RAB14: variants seen among roughly 807,000 people sequenced by gnomAD.
RAB14 encodes the protein RAB14, member RAS oncogene family.
A neutral mutation model predicts 31.1 loss-of-function variants in RAB14; 3 were observed. The observed-to-expected ratio is 0.10, with a 90% confidence interval of 0.04 to 0.25. The LOEUF (loss-of-function observed/expected upper bound fraction) is 0.25, where lower values mean the gene tolerates loss of function less well. RAB14 is among the 10% of genes least tolerant of loss of function. The probability of loss-of-function intolerance (pLI) is 1.00; values close to 1 mark genes in which losing one functional copy is unlikely to be tolerated. For missense variants in RAB14, 111 were observed against 260.1 expected (o/e 0.43, Z 3.94); for synonymous variants, 85 against 84.9 (o/e 1.00, Z 0.00).
Position 121,181,144 on chromosome 9 carries a change from C to T in RAB14, c.*252G>A, listed in dbSNP as rs1280772106. On this transcript the variant is annotated 3_prime_UTR_variant, in exon 8 of 8. Coordinates refer to ENST00000373840, the MANE Select transcript of RAB14 (RefSeq NM_016322.4). Reference sequence around the variant, plus strand: ...TCATATATTGGTGACATACTTATCACGAGGACAAGGGGGAAAAAAAGTCTA... The same window carrying T: ...TCATATATTGGTGACATACTTATCATGAGGACAAGGGGGAAAAAAAGTCTA... The T allele has an allele frequency of 8.1e-5, 27 of 333,794 alleles. No homozygotes were observed. The East Asian group carries it at 1.1e-3, about 14-fold the overall frequency. 20.7% of individuals were successfully genotyped at this position (333,794 alleles called of 1,614,324 possible).
chr9:121,179,876 C>T lies in RAB14; in HGVS notation c.*1520G>A, dbSNP rs563359522. 7.9e-5 allele frequency: 12 copies of T among 152,504 alleles called. No homozygotes were observed. Among genetic ancestry groups the T allele is most frequent in the Admixed American group, 3.3e-4 (5 of 15,268 alleles). The allele number at this position is 152,504 out of a possible 1,614,324, so 9.4% of individuals were successfully genotyped here. On this transcript the variant is annotated 3_prime_UTR_variant, in exon 8 of 8. Coordinates refer to ENST00000373840, the MANE Select transcript of RAB14 (RefSeq NM_016322.4). ...TGAGCTGAGTGCATTTTCTATAGTACGCTGAGGTGTTACCTATTCTATTTC... is the reference window on the plus strand; with the variant it reads ...TGAGCTGAGTGCATTTTCTATAGTATGCTGAGGTGTTACCTATTCTATTTC...
At chr9:121,183,100 G>C in intron 6 of RAB14, 140 bp from the exon 7 acceptor site, 1 of 845,390 alleles carries the variant, frequency 1.2e-6, no homozygotes, top group South Asian at 1.7e-5. Context: ...GTAAGTTTGA[G>C]GTGGAGAGCA....
chr9:121,181,662 CATG>C (rs2053633729), intron 7 of RAB14, 89 bp from the exon 8 acceptor site: 1 of 1,020,436 alleles, frequency 9.8e-7, no homozygotes, highest in Admixed American at 2.3e-5. Flanking sequence ...AGTTAACTGC[CATG>C]ATGTCTCCAA....
At chr9:121,190,888 G>T (rs773340724) in intron 3 of RAB14, among the ~76,000 whole-genome samples, 157 bp from the exon 4 acceptor site, 2 of 152,040 alleles carry the variant, frequency 1.3e-5, no homozygotes, top group Non-Finnish European at 2.9e-5. Flanking sequence ...CAAACACCCA[G>T]AAGTAAGAAG....
Position 121,182,392 on chromosome 9 carries a change from C to T in RAB14, c.470+538G>A, listed in dbSNP as rs925601405. Among the ~76,000 whole-genome samples the T allele has an allele frequency of 9.9e-5, 15 of 152,194 alleles. 1 individual carries two copies. Among genetic ancestry groups the T allele is most frequent in the African/African-American group, 3.4e-4 (14 of 41,444 alleles). On this transcript the variant is annotated intron_variant, in intron 7 of 7. Coordinates refer to ENST00000373840, the MANE Select transcript of RAB14 (RefSeq NM_016322.4). ...GACTAATAGCACAGCTGAGACTAAA[C>T]GAAAACAGGTTAGCCTCTCCTCACC... is the stretch of plus-strand genomic sequence containing the variant.
chr9:121,192,013 G>C (rs1043480111), intron 3 of RAB14, among the ~76,000 whole-genome samples, 158 bp downstream of exon 3: 1 of 151,772 alleles, frequency 6.6e-6, no homozygotes, highest in Non-Finnish European at 1.5e-5. Context: ...AAAATATGCT[G>C]GCATATTTCA....
At chr9:121,181,697 AGAG>A (rs1346126657) in intron 7 of RAB14, 124 bp from the exon 8 acceptor site, 1 of 586,316 alleles carries the variant, frequency 1.7e-6, no homozygotes, top group Non-Finnish European at 2.8e-6. Flanking sequence ...TCATCTAATA[AGAG>A]ATTACCAGAA....
chr9:121,189,642 A>G (rs1461209789), intron 4 of RAB14, among the ~76,000 whole-genome samples: 1 of 152,178 alleles, frequency 6.6e-6, no homozygotes, highest in Non-Finnish European at 1.5e-5. Context: ...AATTAAATAA[A>G]GTCATACAGC....
rs1317537512 is a variant in RAB14 at position 121,183,293 on chromosome 9, A to G, written c.439+18T>C. ...AAAATTCTCCCAATTGTGACCATTA[A>G]GTCTTAAAGAAACTCACCATTTTCT... On this transcript the variant is annotated intron_variant, in intron 6 of 7. Transcript: ENST00000373840. 2 of 1,575,838 alleles carry G rather than the reference A, an allele frequency of 1.3e-6. No homozygotes were observed. Among genetic ancestry groups the G allele is most frequent in the Non-Finnish European group, 8.7e-7 (1 of 1,148,588 alleles).
chr9:121,194,089 A>ACACACAC (rs1564321490), intron 1 of RAB14, among the ~76,000 whole-genome samples: 2 of 111,344 alleles, frequency 1.8e-5, no homozygotes, highest in Admixed American at 1.0e-4. Context: ...CTTGCAGATT[A>ACACACAC]TCACTCACAC....
intron 1 of RAB14, among the ~76,000 whole-genome samples, chr9:121,196,105 A>G (rs996471868): frequency 1.3e-5 from 2 of 151,792 alleles, no homozygotes; most frequent in African/African-American, 2.4e-5. Context: ...TCTTGAGTCT[A>G]AAAAAAAGGA....
chr9:121,178,424 A>C lies in RAB14; in HGVS notation c.*2972T>G, dbSNP rs2053610090. On this transcript the variant is annotated 3_prime_UTR_variant, in exon 8 of 8. Transcript: ENST00000373840. ...AATGAGGATAAATTATCTTTTCTCT[A>C]AAATGCCACATGAACCCTCTCTATA... 1 of 152,650 alleles carries C rather than the reference A, an allele frequency of 6.6e-6. No homozygotes were observed. Among genetic ancestry groups the C allele is most frequent in the African/African-American group, 2.4e-5 (1 of 41,450 alleles). 9.5% of individuals were successfully genotyped at this position (152,650 alleles called of 1,614,324 possible).
intron 3 of RAB14, among the ~76,000 whole-genome samples, chr9:121,191,913 CATT>C (rs1488317902): frequency 1.3e-5 from 2 of 152,156 alleles, no homozygotes; most frequent in South Asian, 2.1e-4. Context: ...TTAAGTTTGA[CATT>C]ATTTTATGTA....
intron 5 of RAB14, among the ~76,000 whole-genome samples, chr9:121,185,771 T>C (rs951956692): frequency 3.9e-5 from 6 of 152,122 alleles, no homozygotes; most frequent in African/African-American, 9.7e-5. Context: ...TACTCCACTA[T>C]AGAGATGTTC....
chr9:121,184,733 C>G (rs1180717864), intron 5 of RAB14, among the ~76,000 whole-genome samples: 2 of 152,194 alleles, frequency 1.3e-5, no homozygotes, highest in African/African-American at 4.8e-5. Context: ...ATTCTTTAAA[C>G]AGTGTGGACA....
chr9:121,189,427 AAC>A (rs2053675077), intron 4 of RAB14, among the ~76,000 whole-genome samples: 1 of 152,140 alleles, frequency 6.6e-6, no homozygotes, highest in Non-Finnish European at 1.5e-5. Context: ...CAGGTTTATT[AAC>A]AGTCTTCCCA....
chr9:121,199,306 C>T (rs2053736823), intron 1 of RAB14, among the ~76,000 whole-genome samples: 1 of 152,176 alleles, frequency 6.6e-6, no homozygotes, highest in Non-Finnish European at 1.5e-5. Context: ...GCTCAGTATG[C>T]TACCTGATTT....
Position 121,179,099 on chromosome 9 carries a change from C to T in RAB14, c.*2297G>A, listed in dbSNP as rs1236245824. 1 of 152,158 alleles carries T rather than the reference C, an allele frequency of 6.6e-6. No individual in the cohort carries two copies. Among genetic ancestry groups the T allele is most frequent in the Non-Finnish European group, 1.5e-5 (1 of 68,038 alleles). 9.4% of individuals were successfully genotyped at this position (152,158 alleles called of 1,614,324 possible). ...TACACTGAAAAGGGTTGACTGAAAA[C>T]ATTTCAAGGGTAATGTAAACACAAG... On this transcript the variant is annotated 3_prime_UTR_variant, in exon 8 of 8. Transcript: ENST00000373840.
rs768207466 is a variant in RAB14 at position 121,192,124 on chromosome 9, T to C, written c.106+47A>G. The C allele has an allele frequency of 2.2e-6, 3 of 1,359,388 alleles. No individual in the cohort carries two copies. The South Asian group carries it at 4.0e-5, about 18-fold the overall frequency. 84.2% of individuals were successfully genotyped at this position (1,359,388 alleles called of 1,614,324 possible). ...TGACACTTTCTAAAAAGTAGAAACA[T>C]GGCGATAAAGAAAACTATTAATGTT... On this transcript the variant is annotated intron_variant, in intron 3 of 7. Transcript: ENST00000373840.
Sources: allele counts gnomAD v4.1 joint callset (sites outside exome capture counted in the v4.1 genomes callset), GRCh38; gene constraint gnomAD v4.1.1; transcripts MANE v1.5; gene names NCBI Gene and HGNC (gene_info 2026-07-23, HGNC 2026-07-21).